RALY: variants seen among roughly 807,000 people sequenced by gnomAD.
RALY encodes the protein RNA-binding protein Raly.
Under a neutral mutation model 30.7 loss-of-function variants are expected in RALY, and 15 were observed. The observed-to-expected ratio is 0.49, with a 90% confidence interval of 0.33 to 0.75. RALY has a LOEUF of 0.75. Among genes scored for constraint, RALY ranks in the 30% least tolerant of loss-of-function variants. The pLI is 0.02. For synonymous variants in RALY, 177 were observed against 170.8 expected, an observed-to-expected ratio of 1.04 and a Z score of -0.28; for missense variants, 339 against 414.3, an observed-to-expected ratio of 0.82 and a Z score of 1.58.
intron 2 of RALY, among the ~76,000 whole-genome samples, chr20:34,032,548 C>G (rs2032325045): frequency 6.6e-6 from 1 of 151,792 alleles, no homozygotes; most frequent in Non-Finnish European, 1.5e-5. Flanking sequence ...AGACAGGTCT[C>G]ACTGTGTTGC....
Position 34,079,952 on chromosome 20 carries a change from GC to G in RALY, c.*51del. 1 of 152,552 alleles carries G rather than the reference GC, an allele frequency of 6.6e-6. No homozygotes were observed. Among genetic ancestry groups the G allele is most frequent in the Non-Finnish European group, 1.5e-5 (1 of 68,222 alleles). The allele number at this position is 152,552 out of a possible 1,614,324, so 9.4% of individuals were successfully genotyped here. ...CCACCAGCAGGTGAAGGGCATCGCTGCCCCAGGCCTCAAGCCGGGCACCCAA... is the reference window on the plus strand; with the variant it reads ...CCACCAGCAGGTGAAGGGCATCGCTGCCCAGGCCTCAAGCCGGGCACCCAA... On this transcript the variant is annotated 3_prime_UTR_variant, in exon 10 of 10. Coordinates refer to ENST00000246194, the MANE Select transcript of RALY (RefSeq NM_016732.3).
intron 2 of RALY, among the ~76,000 whole-genome samples, chr20:34,069,439 T>A (rs2033666065): frequency 6.6e-6 from 1 of 152,164 alleles, no homozygotes; most frequent in East Asian, 1.9e-4. Context: ...TGGCTCCCAG[T>A]AGAGGTCACT....
intron 2 of RALY, among the ~76,000 whole-genome samples, chr20:34,046,002 GC>G: frequency 6.6e-6 from 1 of 152,270 alleles, no homozygotes; most frequent in African/African-American, 2.4e-5. Context: ...ATTGACACAA[GC>G]AGCTAGCAGC....
intron 2 of RALY, among the ~76,000 whole-genome samples, chr20:34,071,821 G>T (rs954103823): frequency 5.9e-5 from 9 of 152,150 alleles, no homozygotes; most frequent in African/African-American, 2.2e-4. Context: ...GTAAAATGTT[G>T]TGGTTCTGCA....
intron 1 of RALY, among the ~76,000 whole-genome samples, chr20:34,030,503 A>C (rs577241677): frequency 1.1e-4 from 16 of 152,356 alleles, no homozygotes; most frequent in Admixed American, 3.3e-4. Context: ...AGCTGAGCAC[A>C]GAAATGTGAA....
chr20:34,011,475 A>G (rs1271273007), intron 1 of RALY, among the ~76,000 whole-genome samples: 4 of 152,348 alleles, frequency 2.6e-5, no homozygotes, highest in Admixed American at 6.5e-5. Flanking sequence ...GACCTATGAG[A>G]TAAAATACAG....
chr20:33,996,155 T>G (rs2030616134), intron 1 of RALY, among the ~76,000 whole-genome samples: 1 of 152,216 alleles, frequency 6.6e-6, no homozygotes. Context: ...TGTCTCTTTT[T>G]TTACTGTGAG....
At chr20:34,034,495 C>G (rs2032403454) in intron 2 of RALY, among the ~76,000 whole-genome samples, 1 of 152,150 alleles carries the variant, frequency 6.6e-6, no homozygotes, top group Admixed American at 6.5e-5. Flanking sequence ...AACAACTGCC[C>G]TGTGAAAAAG....
At chr20:34,003,464 T>G (rs1245476579) in intron 1 of RALY, among the ~76,000 whole-genome samples, 1 of 152,020 alleles carries the variant, frequency 6.6e-6, no homozygotes, top group African/African-American at 2.4e-5. Context: ...TGATCTCAGC[T>G]GGTCTCTGGG....
chr20:34,011,343 A>G (rs1350934450), intron 1 of RALY, among the ~76,000 whole-genome samples: 9 of 152,216 alleles, frequency 5.9e-5, no homozygotes, highest in Non-Finnish European at 2.9e-5. Flanking sequence ...AAGAGCAGCT[A>G]GAAATCTAAT....
chr20:33,999,697 G>A, intron 1 of RALY, among the ~76,000 whole-genome samples: 1 of 152,188 alleles, frequency 6.6e-6, no homozygotes, highest in East Asian at 1.9e-4. Context: ...TCATGATCCA[G>A]AAGGGCAGAA....
chr20:34,011,205 A>G (rs898783490), intron 1 of RALY, among the ~76,000 whole-genome samples: 1 of 152,218 alleles, frequency 6.6e-6, no homozygotes. Context: ...TTTTTATGGA[A>G]TGAATGATAA....
At chr20:34,006,619 GATTGTAATACC>G (rs554023568) in intron 1 of RALY, among the ~76,000 whole-genome samples, 1 of 150,044 alleles carries the variant, frequency 6.7e-6, no homozygotes, top group South Asian at 2.1e-4. Flanking sequence ...GGTCTAATAT[GATTGTAATACC>G]ATTTTTTTTT....
At chr20:34,058,201 A>G (rs2033310961) in intron 2 of RALY, among the ~76,000 whole-genome samples, 1 of 152,126 alleles carries the variant, frequency 6.6e-6, no homozygotes, top group South Asian at 2.1e-4. Context: ...GAAGTTCACT[A>G]GGCATTGGGT....
chr20:34,078,258 T>TGG (rs762816333), intron 8 of RALY, among the ~76,000 whole-genome samples: 5 of 152,118 alleles, frequency 3.3e-5, no homozygotes, highest in Non-Finnish European at 7.4e-5. Flanking sequence ...TGCACAGAAA[T>TGG]GGGGCTCCTG....
intron 2 of RALY, among the ~76,000 whole-genome samples, chr20:34,052,656 T>C (rs1377876671): frequency 2.0e-5 from 3 of 152,146 alleles, no homozygotes; most frequent in Non-Finnish European, 4.4e-5. Flanking sequence ...TCCAAACAGT[T>C]GAAGGACCAG....
In RALY at chr20:34,009,113, A is replaced by T. The variant is rs369603147; in HGVS notation, c.-93+14982A>T. ...AGGAAGATTTTTGAGAAAGTAGCAG[A>T]GGCTAGAGCCTGACGCTGACCATGA... On this transcript the variant is annotated intron_variant, in intron 1 of 9. Coordinates refer to ENST00000246194, the MANE Select transcript of RALY (RefSeq NM_016732.3). Among the ~76,000 whole-genome samples the T allele has an allele frequency of 2.0e-5, 3 of 152,130 alleles. No individual in the cohort carries two copies. The East Asian group carries it at 5.8e-4, about 29-fold the overall frequency.
intron 2 of RALY, among the ~76,000 whole-genome samples, chr20:34,062,528 A>C (rs1197769527): frequency 6.6e-6 from 1 of 152,258 alleles, no homozygotes; most frequent in Non-Finnish European, 1.5e-5. Flanking sequence ...GAACACTCTT[A>C]TTCCATTCCT....
At chr20:34,021,926 T>A (rs7271084) in intron 1 of RALY, among the ~76,000 whole-genome samples, 96,703 of 149,946 alleles carry the variant, frequency 0.64, 31,178 homozygotes, top group South Asian at 0.74. Flanking sequence ...TAAAAAAAAA[T>A]TTTTTTTTAA....
Sources: allele counts gnomAD v4.1 joint callset (sites outside exome capture counted in the v4.1 genomes callset), GRCh38; gene constraint gnomAD v4.1.1; transcripts MANE v1.5; gene names NCBI Gene and HGNC (gene_info 2026-07-23, HGNC 2026-07-21).